The following BRINP2 variants were observed in gnomAD, a reference collection of about 807,000 sequenced individuals.
BRINP2 encodes the protein BMP/retinoic acid inducible neural specific 2.
BRINP2 carries 21 observed loss-of-function variants against 69.2 expected under a neutral mutation model. The ratio of observed to expected loss-of-function variants is 0.30; its 90% CI spans 0.22 to 0.44. The LOEUF (loss-of-function observed/expected upper bound fraction) is 0.44, where lower values mean the gene tolerates loss of function less well. Ranked by LOEUF, BRINP2 falls within the 20% of genes least tolerant of loss-of-function variation. The probability of loss-of-function intolerance (pLI) is 1.00; values close to 1 mark genes in which losing one functional copy is unlikely to be tolerated. For synonymous variants in BRINP2, 380 were observed against 394.1 expected (o/e 0.96, Z 0.42); for missense variants, 877 against 986.0 (o/e 0.89, Z 1.48).
intron 2 of BRINP2, among the ~76,000 whole-genome samples, chr1:177,250,037 T>C (rs1650530937): frequency 2.0e-5 from 3 of 152,338 alleles, no homozygotes; most frequent in African/African-American, 4.8e-5. Context: ...AGTCTTGCTA[T>C]GTTGCCCAGG....
chr1:177,208,052 A>G (rs949238399), intron 1 of BRINP2, among the ~76,000 whole-genome samples: 4 of 152,224 alleles, frequency 2.6e-5, no homozygotes, highest in African/African-American at 9.6e-5. Flanking sequence ...CACTCTGGCC[A>G]TGAAATGCTG....
Position 177,280,629 on chromosome 1 carries a change from G to A in BRINP2, c.1453G>A (p.Val485Met), listed in dbSNP as rs1440192751. 6.2e-7 allele frequency: 1 copy of A among 1,614,204 alleles called. No individual in the cohort carries two copies. Among genetic ancestry groups the A allele is most frequent in the Non-Finnish European group, 8.5e-7 (1 of 1,180,028 alleles). Residue 485 changes from valine (V) to methionine (M), a missense_variant, in exon 8 of 8, where the codon GTG becomes ATG. Val to Met is a conservative substitution (Grantham distance 21, BLOSUM62 1). This residue lies in a region of BRINP2 where 566 missense variants were observed against 625.2 expected (regional missense o/e 0.91). Transcript: ENST00000361539. ...TRCGSCNPGYVLAQGLCRPEV... is the reference protein window; with the variant it reads ...TRCGSCNPGYMLAQGLCRPEV... ...CTGTGGGAGCTGCAACCCGGGCTAT[G>A]TGCTGGCCCAGGGGCTGTGCCGGCC...
chr1:177,188,319 CA>C (rs752888379), intron 1 of BRINP2, among the ~76,000 whole-genome samples: 1 of 151,620 alleles, frequency 6.6e-6, no homozygotes, highest in East Asian at 1.9e-4. Context: ...ATAAAGCAGA[CA>C]AAAAAATAGA....
At chr1:177,187,140 G>A (rs745573121) in intron 1 of BRINP2, among the ~76,000 whole-genome samples, 2 of 152,170 alleles carry the variant, frequency 1.3e-5, no homozygotes, top group Non-Finnish European at 2.9e-5. Flanking sequence ...AAGATCTTTG[G>A]AAAATCAGCC....
chr1:177,277,504 T>C (rs1651538045), intron 6 of BRINP2, among the ~76,000 whole-genome samples: 1 of 151,660 alleles, frequency 6.6e-6, no homozygotes, highest in Admixed American at 6.6e-5. Flanking sequence ...TGCTCTTCCA[T>C]ACACTCAAAT....
chr1:177,203,380 A>G (rs1057003159), intron 1 of BRINP2, among the ~76,000 whole-genome samples: 16 of 152,172 alleles, frequency 1.1e-4, no homozygotes, highest in Non-Finnish European at 2.1e-4. Context: ...CTAATGCTAA[A>G]TGATGAGTTA....
chr1:177,217,291 G>A (rs139221838), intron 1 of BRINP2, among the ~76,000 whole-genome samples: 1 of 151,852 alleles, frequency 6.6e-6, no homozygotes, highest in African/African-American at 2.4e-5. Flanking sequence ...AGCTGTTGAA[G>A]CTTTCTATTG....
At chr1:177,278,918 C>T in intron 7 of BRINP2, 133 bp downstream of exon 7, 1 of 809,668 alleles carries the variant, frequency 1.2e-6, no homozygotes, top group Non-Finnish European at 2.0e-6. Flanking sequence ...GTTATCTTGA[C>T]CTACTCATGT....
chr1:177,259,366 G>T (rs185375062), intron 4 of BRINP2, among the ~76,000 whole-genome samples: 2 of 152,240 alleles, frequency 1.3e-5, no homozygotes, highest in Admixed American at 1.3e-4. Context: ...GAGATTGGAG[G>T]AAAGAACCCG....
Position 177,281,060 on chromosome 1 carries a change from T to A in BRINP2, c.1884T>A (p.Thr628=). ...VDAAAQCQNW[T]ITLGNRWKTF... Reference sequence around the variant, plus strand: ...CAGCTGCCCAGTGCCAAAACTGGACTATCACCTTGGGGAATAGGTGGAAGA... The same window carrying A: ...CAGCTGCCCAGTGCCAAAACTGGACAATCACCTTGGGGAATAGGTGGAAGA... The change falls in exon 8 of 8, where the codon ACT becomes ACA. Residue 628 remains threonine, a synonymous_variant. Transcript: ENST00000361539. 1 of 1,614,204 alleles carries A rather than the reference T, an allele frequency of 6.2e-7. No homozygotes were observed. Among genetic ancestry groups the A allele is most frequent in the South Asian group, 1.1e-5 (1 of 91,082 alleles).
At chr1:177,267,744 T>A (rs1651173447) in intron 4 of BRINP2, among the ~76,000 whole-genome samples, 1 of 152,206 alleles carries the variant, frequency 6.6e-6, no homozygotes, top group Non-Finnish European at 1.5e-5. Flanking sequence ...TTAAGCAGTC[T>A]GTGGGTGGTG....
Position 177,254,750 on chromosome 1 carries a change from G to A in BRINP2, c.270-1169G>A, listed in dbSNP as rs1650699254. On this transcript the variant is annotated intron_variant, in intron 2 of 7. Coordinates refer to ENST00000361539, the MANE Select transcript of BRINP2 (RefSeq NM_021165.4). ...AGGAAAACAACTGACAGTATTTGTT[G>A]CCAATAATAAAATTTAAGCTTTTAA... Among the ~76,000 whole-genome samples, 3 of 151,802 alleles carry A rather than the reference G, an allele frequency of 2.0e-5. No homozygotes were observed. The South Asian group carries it at 6.2e-4, about 32-fold the overall frequency.
At chr1:177,198,367 G>A (rs1205987741) in intron 1 of BRINP2, among the ~76,000 whole-genome samples, 2 of 152,262 alleles carry the variant, frequency 1.3e-5, no homozygotes, top group African/African-American at 2.4e-5. Context: ...CCCTTGTATT[G>A]TTTCACTTAT....
At position 177,256,056 on chromosome 1, in the gene BRINP2, A is replaced by G. The variant is rs1448605992; in HGVS notation, c.407A>G (p.Glu136Gly). The change falls in exon 3 of 8, where the codon GAA becomes GGA. Residue 136 changes from glutamate (E) to glycine (G), a missense_variant. By Grantham distance (98) the Glu-to-Gly change is moderately conservative (BLOSUM62 -2). This residue lies in a region of BRINP2 where 566 missense variants were observed against 625.2 expected (regional missense o/e 0.91). Coordinates refer to ENST00000361539, the MANE Select transcript of BRINP2 (RefSeq NM_021165.4). ...AGACCCAATCTGCAACAGGTTACAG[A>G]AAATCTGATTAAAAAGTACGGCACT... is the stretch of plus-strand genomic sequence containing the variant. The part of the protein sequence containing the change: ...GRRPNLQQVT[E>G]NLIKKYGTHF... 3 of 1,614,068 alleles carry G rather than the reference A, an allele frequency of 1.9e-6. No homozygotes were observed. The East Asian group carries it at 6.7e-5, about 36-fold the overall frequency.
At chr1:177,256,752 C>G in intron 3 of BRINP2, 1 of 1,087,760 alleles carries the variant, frequency 9.2e-7, no homozygotes, top group South Asian at 2.7e-5. Flanking sequence ...GGCCAGCTGT[C>G]GGCACGCGGC....
chr1:177,276,943 G>A (rs918491280), intron 6 of BRINP2, among the ~76,000 whole-genome samples: 11 of 150,516 alleles, frequency 7.3e-5, no homozygotes, highest in South Asian at 2.1e-4. Context: ...TGGATTAGCC[G>A]TGCAGCTTCT....
intron 2 of BRINP2, among the ~76,000 whole-genome samples, chr1:177,232,639 T>G (rs924221722): frequency 1.3e-5 from 2 of 152,174 alleles, no homozygotes; most frequent in Non-Finnish European, 2.9e-5. Flanking sequence ...TTTTGTCCCT[T>G]CCCACTTTGT....
At chr1:177,192,385 G>A (rs989723130) in intron 1 of BRINP2, among the ~76,000 whole-genome samples, 3 of 152,220 alleles carry the variant, frequency 2.0e-5, no homozygotes, top group Non-Finnish European at 4.4e-5. Flanking sequence ...GTAGGTGAAT[G>A]GGTCTGGTAA....
Position 177,273,528 on chromosome 1 carries a change from A to G in BRINP2, c.710A>G (p.Tyr237Cys), listed in dbSNP as rs780898862. The part of the protein sequence containing the change: ...TRTGPLGCSN[Y>C]DNLDSVSSVL... ...ACCGGTCCTCTGGGCTGCAGCAACTATGACAATCTGGACTCAGTCAGTTCT... is the reference window on the plus strand; with the variant it reads ...ACCGGTCCTCTGGGCTGCAGCAACTGTGACAATCTGGACTCAGTCAGTTCT... The change falls in exon 5 of 8, where the codon TAT (tyrosine) becomes TGT (cysteine). Residue 237 changes from tyrosine to cysteine, a missense_variant. This residue lies in a region of BRINP2 where 566 missense variants were observed against 625.2 expected (regional missense o/e 0.91). Transcript: ENST00000361539. The G allele has an allele frequency of 1.9e-6, 3 of 1,610,238 alleles. No homozygotes were observed. The highest frequency in any genetic ancestry group is 2.5e-6 in the Non-Finnish European group (3 of 1,178,152).
Sources: gnomAD v4.1 joint callset for allele counts (sites outside exome capture counted in the v4.1 genomes callset) on GRCh38, gnomAD v4.1.1 for gene constraint, gnomAD v4.1.1 regional missense constraint, MANE v1.5 for transcripts, NCBI Gene and HGNC (gene_info 2026-07-23, HGNC 2026-07-21) for gene names.